EIF3E: variants seen among roughly 807,000 people sequenced by gnomAD.
EIF3E encodes the protein eIF-3 p48.
Under a neutral mutation model 59.3 loss-of-function variants are expected in EIF3E, and 25 were observed. The observed-to-expected ratio is 0.42, with a 90% confidence interval of 0.31 to 0.59. The LOEUF is 0.59. Among genes scored for constraint, EIF3E ranks in the 20% least tolerant of loss-of-function variants. The pLI is 0.15. For synonymous variants in EIF3E, 176 were observed against 170.2 expected (o/e 1.03, Z -0.26); for missense variants, 317 against 534.3 (o/e 0.59, Z 4.01).
At chr8:108,207,283 C>T (rs1342169503) in intron 10 of EIF3E, among the ~76,000 whole-genome samples, 3 of 151,770 alleles carry the variant, frequency 2.0e-5, no homozygotes, top group Non-Finnish European at 2.9e-5. Flanking sequence ...CCAGCCTGGG[C>T]AACACAGCAA....
chr8:108,221,806 GCACA>G (rs71281606), intron 7 of EIF3E, among the ~76,000 whole-genome samples: 4 of 149,822 alleles, frequency 2.7e-5, no homozygotes, highest in South Asian at 2.1e-4. Context: ...ACACACACAC[GCACA>G]CACACACACA....
chr8:108,242,288 C>T lies in EIF3E; in HGVS notation c.91-375G>A, dbSNP rs1326936288. On this transcript the variant is annotated intron_variant, in intron 1 of 12. Coordinates refer to ENST00000220849, the MANE Select transcript of EIF3E (RefSeq NM_001568.3). ...AGCACATATAGCTGTCACTTCTCCA[C>T]ATCCAGGTAATCAGTAATAAACTCC... The T allele has an allele frequency of 2.3e-6, 3 of 1,290,778 alleles. No individual in the cohort carries two copies. In the African/African-American group the frequency reaches 4.5e-5, roughly 20 times the overall value. 80.0% of individuals were successfully genotyped at this position (1,290,778 alleles called of 1,614,324 possible).
rs1393924541 is a variant in EIF3E, at chr8:108,229,198, G to GT, written c.472-4dup. The GT allele has an allele frequency of 3.1e-6, 5 of 1,610,738 alleles. No individual in the cohort carries two copies. In the Admixed American group the frequency reaches 5.1e-5, roughly 16 times the overall value. On this transcript the variant is annotated splice_region_variant and splice_polypyrimidine_tract_variant and intron_variant, in intron 5 of 12. Coordinates refer to ENST00000220849, the MANE Select transcript of EIF3E (RefSeq NM_001568.3). ...GCATTTCTATCTGTTGCTGGAACCTGTTTAAGAAATCATAATTAATTATAT... is the reference window on the plus strand; with the variant it reads ...GCATTTCTATCTGTTGCTGGAACCTGTTTTAAGAAATCATAATTAATTATAT...
chr8:108,239,999 C>T lies in EIF3E; in HGVS notation c.282G>A (p.Met94Ile). ...GCCTTGTAGTTTCTGGATCTTCAAACATCTTCACAATTGGTTCTGTTTCTG... is the reference window on the plus strand; with the variant it reads ...GCCTTGTAGTTTCTGGATCTTCAAATATCTTCACAATTGGTTCTGTTTCTG... ...LQAETEPIVK[M>I]FEDPETTRQM... is the part of the protein sequence containing the mutation. Residue 94 changes from methionine (M) to isoleucine (I), a missense_variant, in exon 3 of 13, where the codon ATG (methionine) becomes ATA (isoleucine). Physicochemically the swap from Met to Ile is conservative, Grantham distance 10 (BLOSUM62 1). Coordinates refer to ENST00000220849, the MANE Select transcript of EIF3E (RefSeq NM_001568.3). The T allele has an allele frequency of 6.2e-7, 1 of 1,614,060 alleles. No homozygotes were observed. The highest frequency in any genetic ancestry group is 1.7e-5 in the Admixed American group (1 of 60,020).
chr8:108,225,500 T>C (rs1263324703), intron 7 of EIF3E, among the ~76,000 whole-genome samples: 3 of 151,450 alleles, frequency 2.0e-5, no homozygotes, highest in South Asian at 2.1e-4. Flanking sequence ...CCATTCCAAG[T>C]GCAAGATAGC....
chr8:108,222,833 T>G (rs1322153051), intron 7 of EIF3E, among the ~76,000 whole-genome samples: 1 of 150,756 alleles, frequency 6.6e-6, no homozygotes, highest in South Asian at 2.1e-4. Flanking sequence ...TCTTAGTTTT[T>G]TTTTTTTTTT....
intron 5 of EIF3E, among the ~76,000 whole-genome samples, chr8:108,233,851 A>G (rs911632204): frequency 9.9e-5 from 15 of 151,210 alleles, no homozygotes; most frequent in Non-Finnish European, 1.8e-4. Flanking sequence ...AAAAAAAAAA[A>G]AAAAAAAAAA....
At chr8:108,216,120 T>C (rs1313798211) in intron 9 of EIF3E, among the ~76,000 whole-genome samples, 5 of 152,184 alleles carry the variant, frequency 3.3e-5, no homozygotes, top group African/African-American at 7.2e-5. Flanking sequence ...TGTCTGTAAA[T>C]TTAAATTACC....
chr8:108,234,729 AT>A, intron 5 of EIF3E: 1 of 249,802 alleles, frequency 4.0e-6, no homozygotes. Context: ...ACATGATACG[AT>A]TCTGTTAATG....
chr8:108,217,980 A>G (rs1401801481), intron 7 of EIF3E, among the ~76,000 whole-genome samples: 1 of 152,224 alleles, frequency 6.6e-6, no homozygotes, highest in Non-Finnish European at 1.5e-5. Context: ...GAAGGAATAG[A>G]TGTCAGGTAA....
chr8:108,230,789 A>G (rs1329110891), intron 5 of EIF3E, among the ~76,000 whole-genome samples: 1 of 152,218 alleles, frequency 6.6e-6, no homozygotes, highest in Non-Finnish European at 1.5e-5. Context: ...ATAGATGAAT[A>G]TATTAAACAG....
rs758630801 is a variant in EIF3E, at chr8:108,202,957, C to T, written c.1299+26G>A. 3 of 1,600,844 alleles carry T rather than the reference C, an allele frequency of 1.9e-6. No homozygotes were observed. In the South Asian group the frequency reaches 3.4e-5, roughly 18 times the overall value. ...AATTACATGGTTGCTAAACCCCAGA[C>T]AGAATAGAAGATGTGTGGTTCTTAC... On this transcript the variant is annotated intron_variant, in intron 12 of 12. Coordinates refer to ENST00000220849, the MANE Select transcript of EIF3E (RefSeq NM_001568.3).
At chr8:108,226,342 T>C (rs34556181) in intron 7 of EIF3E, 26,604 of 152,026 alleles carry the variant, frequency 0.17, 2,767 homozygotes, top group East Asian at 0.4. Flanking sequence ...TACAGGTGCC[T>C]ACCACCACGT....
At chr8:108,218,936 A>T (rs935948535) in intron 7 of EIF3E, among the ~76,000 whole-genome samples, 1 of 151,858 alleles carries the variant, frequency 6.6e-6, no homozygotes, top group Admixed American at 6.6e-5. Flanking sequence ...GGTGCACACC[A>T]CCACACCTGG....
chr8:108,236,908 G>C (rs1424041676), intron 3 of EIF3E, among the ~76,000 whole-genome samples: 1 of 152,046 alleles, frequency 6.6e-6, no homozygotes, highest in Non-Finnish European at 1.5e-5. Flanking sequence ...TGTAATCCCA[G>C]CTACTTGGGA....
intron 11 of EIF3E, 46 bp from the exon 12 acceptor site, chr8:108,203,163 A>G (rs567701036): frequency 3.1e-6 from 5 of 1,592,484 alleles, no homozygotes; most frequent in Non-Finnish European, 4.3e-6. Context: ...TTAATGACTG[A>G]GTTTCTCAGG....
chr8:108,206,906 G>A (rs1396603548), intron 10 of EIF3E, among the ~76,000 whole-genome samples: 2 of 152,038 alleles, frequency 1.3e-5, no homozygotes, highest in African/African-American at 2.4e-5. Flanking sequence ...AACATAGCTG[G>A]TGTAATTTTG....
At chr8:108,244,893 T>G (rs574547124) in intron 1 of EIF3E, among the ~76,000 whole-genome samples, 1 of 152,102 alleles carries the variant, frequency 6.6e-6, no homozygotes, top group Non-Finnish European at 1.5e-5. Context: ...CGATCACATC[T>G]GTGCTTCTCT....
At chr8:108,237,454 G>A (rs533738579) in intron 3 of EIF3E, among the ~76,000 whole-genome samples, 242 of 152,244 alleles carry the variant, frequency 1.6e-3, no homozygotes, top group Middle Eastern at 0.01. Context: ...GTTTCACCAC[G>A]CTGGCCGGGC....
Sources: gnomAD v4.1 joint callset for allele counts (sites outside exome capture counted in the v4.1 genomes callset) on GRCh38, gnomAD v4.1.1 for gene constraint, MANE v1.5 for transcripts, NCBI Gene and HGNC (gene_info 2026-07-23, HGNC 2026-07-21) for gene names.